ESR1: variants seen among roughly 807,000 people sequenced by gnomAD.
ESR1 encodes the protein estrogen receptor.
Under a neutral mutation model 52.7 loss-of-function variants are expected in ESR1, and 12 were observed. That is an observed-to-expected ratio of 0.23 (90% CI 0.15 to 0.37). ESR1 has a LOEUF of 0.37. Ranked by LOEUF, ESR1 falls within the 10% of genes least tolerant of loss-of-function variation. The pLI is 1.00. For synonymous variants in ESR1, 305 were observed against 316.8 expected, an observed-to-expected ratio of 0.96 and a Z score of 0.39; for missense variants, 584 against 779.7, an observed-to-expected ratio of 0.75 and a Z score of 2.99.
intron 3 of ESR1, among the ~76,000 whole-genome samples, chr6:151,914,804 A>G (rs1214447059): frequency 6.6e-6 from 1 of 152,230 alleles, no homozygotes; most frequent in Non-Finnish European, 1.5e-5. Context: ...TAAGCACTCC[A>G]TAAGGTAATT....
intron 5 of ESR1, among the ~76,000 whole-genome samples, chr6:152,028,428 A>G (rs1305805562): frequency 6.6e-6 from 1 of 152,098 alleles, no homozygotes; most frequent in Non-Finnish European, 1.5e-5. Flanking sequence ...CACCTGGAAA[A>G]TCGGGTCACT....
chr6:151,940,628 T>C (rs912199128), intron 3 of ESR1, among the ~76,000 whole-genome samples: 1 of 152,214 alleles, frequency 6.6e-6, no homozygotes, highest in African/African-American at 2.4e-5. Context: ...ATATCATGAT[T>C]TGATTTAAAT....
At chr6:151,961,813 A>G (rs2037707139) in intron 4 of ESR1, among the ~76,000 whole-genome samples, 1 of 152,100 alleles carries the variant, frequency 6.6e-6, no homozygotes. Flanking sequence ...AAGGAAAGTA[A>G]ATAGCATGGC....
At chr6:152,024,942 C>A (rs1391498475) in intron 5 of ESR1, among the ~76,000 whole-genome samples, 1 of 151,150 alleles carries the variant, frequency 6.6e-6, no homozygotes, top group Non-Finnish European at 1.5e-5. Flanking sequence ...GATTGTTATA[C>A]CTTTTCCTTT....
At chr6:151,786,976 A>AT (rs1268054324) in intron 2 of ESR1, among the ~76,000 whole-genome samples, 6 of 152,028 alleles carry the variant, frequency 3.9e-5, no homozygotes, top group African/African-American at 1.4e-4. Flanking sequence ...CACCTGGCTA[A>AT]TTTTTGTATT....
chr6:151,996,388 G>T (rs912260023), intron 4 of ESR1, among the ~76,000 whole-genome samples: 1 of 152,086 alleles, frequency 6.6e-6, no homozygotes. Flanking sequence ...ACCCGCTTGT[G>T]TGGTTTCCAT....
At position 152,094,731 on chromosome 6, in the gene ESR1, G is replaced by C. The variant is rs1028205232; in HGVS notation, c.1553+163G>C. On this transcript the variant is annotated intron_variant, in intron 7 of 7. Transcript: ENST00000206249. The surrounding 1 kb of genome is among the most constrained non-coding windows in gnomAD (Gnocchi z 4.6). ...AAATGCTATAGGAGGACAGAAGAGA[G>C]AGGTTTTAAATCTGCGAGGGTCACA... 1.3e-5 allele frequency among the ~76,000 whole-genome samples: 2 copies of C among 152,214 alleles called. No individual in the cohort carries two copies. The highest frequency in any genetic ancestry group is 2.4e-5 in the African/African-American group (1 of 41,452).
intron 1 of ESR1, among the ~76,000 whole-genome samples, chr6:151,694,058 G>A (rs1485206623): frequency 6.6e-6 from 1 of 152,330 alleles, no homozygotes; most frequent in Admixed American, 6.5e-5. Context: ...TACTTTGTGC[G>A]ATGCTTTTTA....
At chr6:152,082,656 AAAG>A (rs1236667767) in intron 6 of ESR1, among the ~76,000 whole-genome samples, 31 of 152,338 alleles carry the variant, frequency 2.0e-4, no homozygotes, top group African/African-American at 6.3e-4. Flanking sequence ...TCAGTTAGGA[AAAG>A]AGGAAGTCAA....
rs994027838 is a variant in ESR1 at position 152,120,223 on chromosome 6, C to A, written c.851-5043C>A. 1.1e-4 allele frequency among the ~76,000 whole-genome samples: 16 copies of A among 152,296 alleles called. 1 individual carries two copies. Among genetic ancestry groups the A allele is most frequent in the Non-Finnish European group, 8.8e-5 (6 of 68,020 alleles). ...TCATTGTGTGGGATTTCCATACCCCCTGAAGGGCAAAACTGCTCTGGAGGG... is the reference window on the plus strand; with the variant it reads ...TCATTGTGTGGGATTTCCATACCCCATGAAGGGCAAAACTGCTCTGGAGGG... On this transcript the variant is annotated intron_variant, in intron 6 of 6. Transcript: ENST00000427531.
intron 6 of ESR1, among the ~76,000 whole-genome samples, chr6:152,108,710 T>C (rs1293427492): frequency 1.3e-5 from 2 of 152,162 alleles, no homozygotes; most frequent in Non-Finnish European, 2.9e-5. Flanking sequence ...TGTGCCAATG[T>C]AGGAATGCCT....
At chr6:152,033,124 T>G (rs2044891297) in intron 5 of ESR1, among the ~76,000 whole-genome samples, 1 of 152,122 alleles carries the variant, frequency 6.6e-6, no homozygotes, top group African/African-American at 2.4e-5. Flanking sequence ...TCCTTACACC[T>G]TATACAAAAA....
intron 2 of ESR1, among the ~76,000 whole-genome samples, chr6:151,763,631 A>G (rs1022615254): frequency 6.6e-6 from 1 of 152,194 alleles, no homozygotes; most frequent in African/African-American, 2.4e-5. Context: ...GGAAATGCAG[A>G]CGTCCAGTCT....
At chr6:152,019,677 T>C (rs2043461462) in intron 5 of ESR1, among the ~76,000 whole-genome samples, 1 of 152,244 alleles carries the variant, frequency 6.6e-6, no homozygotes, top group African/African-American at 2.4e-5. Flanking sequence ...TTTTTGAGAG[T>C]TTAAAAATAT....
chr6:151,866,680 G>A (rs1789972419), intron 2 of ESR1, among the ~76,000 whole-genome samples: 1 of 152,146 alleles, frequency 6.6e-6, no homozygotes, highest in Admixed American at 6.6e-5. Flanking sequence ...TGGCTGCATA[G>A]TATTCCATGG....
intron 7 of ESR1, among the ~76,000 whole-genome samples, chr6:152,097,886 T>C (rs1383318612): frequency 6.6e-6 from 1 of 151,854 alleles, no homozygotes. Context: ...GGCGGGAGAA[T>C]AAACACAAAT....
At chr6:152,063,896 C>T (rs1293500563) in intron 6 of ESR1, among the ~76,000 whole-genome samples, 1 of 152,102 alleles carries the variant, frequency 6.6e-6, no homozygotes, top group Non-Finnish European at 1.5e-5. Context: ...ATATTGGCCC[C>T]GATTTTGTGG....
At chr6:151,936,780 C>A (rs957312025) in intron 3 of ESR1, among the ~76,000 whole-genome samples, 1 of 152,088 alleles carries the variant, frequency 6.6e-6, no homozygotes, top group Non-Finnish European at 1.5e-5. Flanking sequence ...TGTTTCCAGA[C>A]TGGAGAGAAG....
At chr6:151,746,066 A>C (rs1184033787) in intron 2 of ESR1, among the ~76,000 whole-genome samples, 1 of 152,022 alleles carries the variant, frequency 6.6e-6, no homozygotes, top group East Asian at 1.9e-4. Flanking sequence ...GCTGAATAAT[A>C]CTCCATTTTG....
Sources: allele counts gnomAD v4.1 joint callset (sites outside exome capture counted in the v4.1 genomes callset), GRCh38; gene constraint gnomAD v4.1.1; non-coding constraint Gnocchi (gnomAD v3.1); transcripts MANE v1.5; gene names NCBI Gene and HGNC (gene_info 2026-07-23, HGNC 2026-07-21).